The following DAPK2 variants were observed in gnomAD, a reference collection of about 807,000 sequenced individuals.
DAPK2 encodes the protein death associated protein kinase 2.
DAPK2 carries 35 observed loss-of-function variants against 44.1 expected under a neutral mutation model. That is an observed-to-expected ratio of 0.79 (90% CI 0.61 to 1.05). The LOEUF (loss-of-function observed/expected upper bound fraction) is 1.05. Ranked by LOEUF, DAPK2 falls within the 50% of genes least tolerant of loss-of-function variation. The pLI is 0.00. For missense variants in DAPK2, 453 were observed against 483.2 expected, an observed-to-expected ratio of 0.94 and a Z score of 0.59; for synonymous variants, 174 against 182.6, an observed-to-expected ratio of 0.95 and a Z score of 0.38.
intron 8 of DAPK2, chr15:63,920,281 AG>A (rs1175497329): frequency 6.6e-6 from 1 of 152,148 alleles, no homozygotes; most frequent in Non-Finnish European, 1.5e-5. Context: ...AACCTGCATG[AG>A]TACCACCGGC....
intron 3 of DAPK2, among the ~76,000 whole-genome samples, chr15:63,955,587 G>C (rs2077701641): frequency 6.6e-6 from 1 of 152,092 alleles, no homozygotes; most frequent in Non-Finnish European, 1.5e-5. Flanking sequence ...GTCATTGTTT[G>C]AGACAGGGTC....
At chr15:64,034,275 G>T (rs1490806191) in intron 1 of DAPK2, among the ~76,000 whole-genome samples, 1 of 152,136 alleles carries the variant, frequency 6.6e-6, no homozygotes, top group Non-Finnish European at 1.5e-5. Flanking sequence ...CCCAAAGAAG[G>T]TGTCCTGGCT....
At chr15:63,965,351 G>C (rs971436849) in intron 3 of DAPK2, among the ~76,000 whole-genome samples, 1 of 152,328 alleles carries the variant, frequency 6.6e-6, no homozygotes, top group East Asian at 1.9e-4. Context: ...GGCTAGGGGA[G>C]GGGGAACACA....
intron 1 of DAPK2, among the ~76,000 whole-genome samples, chr15:64,009,209 G>A (rs1360066243): frequency 6.6e-6 from 1 of 152,122 alleles, no homozygotes; most frequent in Non-Finnish European, 1.5e-5. Flanking sequence ...TAGATCTGCA[G>A]TGCATGTTTT....
intron 1 of DAPK2, among the ~76,000 whole-genome samples, chr15:64,037,557 T>C (rs2080243545): frequency 6.6e-6 from 1 of 152,212 alleles, no homozygotes; most frequent in Non-Finnish European, 1.5e-5. Flanking sequence ...GACAGGACTG[T>C]GTCTGTTTTG....
chr15:64,039,471 T>C (rs956891442), intron 1 of DAPK2, among the ~76,000 whole-genome samples: 3 of 152,260 alleles, frequency 2.0e-5, no homozygotes, highest in East Asian at 1.9e-4. Context: ...AAATAATGCC[T>C]ATTTCATGCA....
At chr15:64,015,251 C>T (rs145740385) in intron 1 of DAPK2, among the ~76,000 whole-genome samples, 39 of 152,302 alleles carry the variant, frequency 2.6e-4, no homozygotes, top group African/African-American at 7.9e-4. Context: ...CACAGGACAA[C>T]GACAGCATGT....
At chr15:64,021,710 T>A (rs2079687745) in intron 1 of DAPK2, among the ~76,000 whole-genome samples, 1 of 152,216 alleles carries the variant, frequency 6.6e-6, no homozygotes, top group South Asian at 2.1e-4. Context: ...GGGCTATGGA[T>A]GCTCAAAGCT....
At position 64,014,558 on chromosome 15, in the gene DAPK2, G is replaced by A. The variant is rs2414830; in HGVS notation, c.92+25612C>T. Among the ~76,000 whole-genome samples the A allele has an allele frequency of 6.8e-3, 1,037 of 152,332 alleles. 14 individuals carry two copies. Among genetic ancestry groups the A allele is most frequent in the African/African-American group, 0.024 (1,002 of 41,570 alleles). On this transcript the variant is annotated intron_variant, in intron 1 of 10. Coordinates refer to ENST00000261891, the Ensembl canonical transcript of DAPK2. ...TGTTTACCAAAGACTGCATGGTACTGCAGGGGGGCTTACATCTAACTGGAA... is the reference window on the plus strand; with the variant it reads ...TGTTTACCAAAGACTGCATGGTACTACAGGGGGGCTTACATCTAACTGGAA...
chr15:63,937,121 G>A (rs1180267443), intron 4 of DAPK2, among the ~76,000 whole-genome samples: 5 of 152,106 alleles, frequency 3.3e-5, no homozygotes, highest in African/African-American at 9.7e-5. Context: ...GGGAGCAGGG[G>A]AAAATGGTTA....
At chr15:63,992,155 T>A (rs767132854) in intron 1 of DAPK2, among the ~76,000 whole-genome samples, 2 of 152,196 alleles carry the variant, frequency 1.3e-5, no homozygotes, top group Non-Finnish European at 2.9e-5. Context: ...TCAAATGAGC[T>A]CAAGCCTGCA....
At chr15:64,035,285 T>C (rs1428939893) in intron 1 of DAPK2, among the ~76,000 whole-genome samples, 3 of 152,200 alleles carry the variant, frequency 2.0e-5, no homozygotes, top group African/African-American at 7.2e-5. Flanking sequence ...ATGCAGTAGT[T>C]GTCTATGTGG....
chr15:63,980,984 G>T lies in DAPK2; in HGVS notation c.314+2549C>A, dbSNP rs535002938. Among the ~76,000 whole-genome samples, 1 of 152,110 alleles carries T rather than the reference G, an allele frequency of 6.6e-6. No individual in the cohort carries two copies. Among genetic ancestry groups the T allele is most frequent in the Admixed American group, 6.5e-5 (1 of 15,276 alleles). ...GGGTGCCTGTAATTCCAGCTACTTG[G>T]GAGGCTGAGGTAGGAGAATAGCTTG... is the stretch of plus-strand genomic sequence containing the variant. On this transcript the variant is annotated intron_variant, in intron 2 of 10. Coordinates refer to ENST00000261891, the Ensembl canonical transcript of DAPK2. This position sits in a 1 kb window ranked among gnomAD's most constrained non-coding sequence, Gnocchi z 4.3.
intron 1 of DAPK2, among the ~76,000 whole-genome samples, chr15:63,995,517 C>T (rs1183702584): frequency 1.3e-5 from 2 of 152,212 alleles, no homozygotes; most frequent in Non-Finnish European, 2.9e-5. Flanking sequence ...CTGCCTGTTA[C>T]TTCAATCACC....
chr15:64,040,089 C>T (rs766582242), intron 1 of DAPK2, 81 bp downstream of exon 2: 7 of 1,158,486 alleles, frequency 6.0e-6, no homozygotes, highest in South Asian at 1.2e-5. Flanking sequence ...CCCTGCCTTC[C>T]AACACCAACT....
chr15:63,991,344 C>A (rs945802812), intron 1 of DAPK2: 2 of 456,058 alleles, frequency 4.4e-6, no homozygotes, highest in Admixed American at 2.3e-5. Context: ...AGAATGCCAG[C>A]CAAGAACCTG....
intron 3 of DAPK2, among the ~76,000 whole-genome samples, chr15:63,958,127 A>G (rs1169934025): frequency 2.0e-5 from 3 of 151,646 alleles, no homozygotes; most frequent in Non-Finnish European, 4.4e-5. Context: ...GCATTTTTTC[A>G]TGTCTGTTGG....
chr15:64,046,409 G>T (rs2080469977), upstream of DAPK2: 1 of 331,936 alleles, frequency 3.0e-6, no homozygotes, highest in Non-Finnish European at 4.2e-6. The surrounding 1 kb of genome is among the most constrained non-coding windows in gnomAD (Gnocchi z 5.3). Context: ...ACGCGGCGGG[G>T]TGCGCTGGGC....
At chr15:64,028,053 T>TATCTAC (rs1201141411) in intron 1 of DAPK2, among the ~76,000 whole-genome samples, 3 of 57,060 alleles carry the variant, frequency 5.3e-5, no homozygotes, top group Non-Finnish European at 1.4e-4. Flanking sequence ...TATCTATCTA[T>TATCTAC]CTATCTATCT....
Sources: gnomAD v4.1 joint callset for allele counts (sites outside exome capture counted in the v4.1 genomes callset) on GRCh38, gnomAD v4.1.1 for gene constraint, Gnocchi (gnomAD v3.1) non-coding constraint, MANE v1.5 for transcripts, NCBI Gene and HGNC (gene_info 2026-07-23, HGNC 2026-07-21) for gene names.